The following EDEM3 variants were observed in gnomAD, a reference collection of about 807,000 sequenced individuals.
The protein encoded by EDEM3 is ER degradation enhancing alpha-mannosidase like protein 3, also known as ER degradation-enhancing alpha-mannosidase-like protein 3.
EDEM3 carries 60 observed loss-of-function variants against 110.2 expected under a neutral mutation model. The observed-to-expected ratio is 0.54, with a 90% CI of 0.44 to 0.67. EDEM3 has a LOEUF of 0.67. Among genes scored for constraint, EDEM3 ranks in the 30% least tolerant of loss-of-function variants. The probability of loss-of-function intolerance (pLI) is 0.00; values close to 1 mark genes in which losing one functional copy is unlikely to be tolerated. For synonymous variants in EDEM3, 352 were observed against 382.9 expected, an observed-to-expected ratio of 0.92 and a Z score of 0.94; for missense variants, 996 against 1,121.0, an observed-to-expected ratio of 0.89 and a Z score of 1.59.
chr1:184,754,455 C>A, intron 1 of EDEM3, 34 bp downstream of exon 1: 1 of 1,612,412 alleles, frequency 6.2e-7, no homozygotes, highest in East Asian at 2.2e-5. Flanking sequence ...TCAGCCTCAC[C>A]GAGAAACCCA....
rs754823935 is a variant in EDEM3, at chr1:184,702,866, G to A, written c.2334C>T (p.Ala778=). 5 of 1,612,320 alleles carry A rather than the reference G, an allele frequency of 3.1e-6. No individual in the cohort carries two copies. The highest frequency in any genetic ancestry group is 2.2e-5 in the East Asian group (1 of 44,718). ...FSKEGSIILD[A]IREYEEVEVL... Reference sequence around the variant, plus strand: ...CTTCTACCTCCTCATATTCCCGGATGGCATCCAGTATGATACTTCCTTCTT... The same window carrying A: ...CTTCTACCTCCTCATATTCCCGGATAGCATCCAGTATGATACTTCCTTCTT... Residue 778 remains alanine, a synonymous_variant, in exon 19 of 20, where the codon GCC becomes GCT. Transcript: ENST00000318130.
chr1:184,725,365 TGA>T (rs1306440677), intron 7 of EDEM3, among the ~76,000 whole-genome samples: 1 of 152,118 alleles, frequency 6.6e-6, no homozygotes, highest in African/African-American at 2.4e-5. Context: ...CATCAATATC[TGA>T]GAGTGTAGTT....
intron 5 of EDEM3, among the ~76,000 whole-genome samples, chr1:184,733,783 G>C (rs1005790889): frequency 1.3e-5 from 2 of 148,824 alleles, no homozygotes; most frequent in African/African-American, 5.0e-5. Flanking sequence ...AGCCAAGATC[G>C]CACCACTGCA....
intron 2 of EDEM3, among the ~76,000 whole-genome samples, chr1:184,738,976 TTAGA>T (rs1219962868): frequency 6.6e-6 from 1 of 151,494 alleles, no homozygotes; most frequent in Non-Finnish European, 1.5e-5. Flanking sequence ...TTTTTTATAT[TTAGA>T]TATTTACTCC....
chr1:184,749,659 T>G, intron 1 of EDEM3, 67 bp from the exon 2 acceptor site: 1 of 1,281,940 alleles, frequency 7.8e-7, no homozygotes, highest in Non-Finnish European at 1.1e-6. Flanking sequence ...TTTATTATCT[T>G]TCAAAAAGTT....
chr1:184,711,508 A>C (rs189781911), intron 15 of EDEM3, among the ~76,000 whole-genome samples: 116 of 152,318 alleles, frequency 7.6e-4, no homozygotes, highest in African/African-American at 2.7e-3. Flanking sequence ...AGATATATTG[A>C]AAGTTTCCAA....
intron 6 of EDEM3, among the ~76,000 whole-genome samples, chr1:184,727,848 A>G (rs780945492): frequency 4.6e-5 from 7 of 152,210 alleles, no homozygotes; most frequent in Non-Finnish European, 8.8e-5. Context: ...ACCACAAACA[A>G]GAATGAAAAG....
At chr1:184,712,859 C>T (rs936215457) in intron 13 of EDEM3, among the ~76,000 whole-genome samples, 1 of 152,042 alleles carries the variant, frequency 6.6e-6, no homozygotes, top group Non-Finnish European at 1.5e-5. Context: ...TTTCTATAGG[C>T]CTTTCAATGA....
At chr1:184,716,745 C>A in intron 13 of EDEM3, 143 bp downstream of exon 13, 1 of 1,196,416 alleles carries the variant, frequency 8.4e-7, no homozygotes, top group Non-Finnish European at 1.1e-6. Context: ...GTGTATTCAA[C>A]AGAGTTTAAA....
chr1:184,702,865 T>A lies in EDEM3; in HGVS notation c.2335A>T (p.Ile779Phe). The stretch of plus-strand genomic sequence containing the variant: ...ACTTCTACCTCCTCATATTCCCGGA[T>A]GGCATCCAGTATGATACTTCCTTCT... ...SKEGSIILDAIREYEEVEVLL... is the reference protein window; with the variant it reads ...SKEGSIILDAFREYEEVEVLL... The change falls in exon 19 of 20, where the codon ATC becomes TTC. Residue 779 changes from isoleucine (I) to phenylalanine (F), a missense_variant. Ile to Phe is a conservative substitution (Grantham distance 21, BLOSUM62 0). Transcript: ENST00000318130. 1 of 1,612,744 alleles carries A rather than the reference T, an allele frequency of 6.2e-7. No homozygotes were observed. Among genetic ancestry groups the A allele is most frequent in the Non-Finnish European group, 8.5e-7 (1 of 1,179,444 alleles).
Position 184,708,194 on chromosome 1 carries a change from C to T in EDEM3, c.1996G>A (p.Gly666Arg), listed in dbSNP as rs1650036786. 1 of 1,613,518 alleles carries T rather than the reference C, an allele frequency of 6.2e-7. No individual in the cohort carries two copies. ...AGATCCAGCCCAAACTGAGCTGGTC[C>T]AGCAGTCAATACTACCCTGCCAAAA... ...PFFGRVVLTA[G>R]PAQFGLDLSK... Residue 666 changes from glycine to arginine, a missense_variant, in exon 17 of 20, where the codon GGA (glycine) becomes AGA (arginine). Around this residue, in one of 5 missense-constraint regions of EDEM3, gnomAD observed 345 missense variants for 402.0 expected, o/e 0.86. Transcript: ENST00000318130.
chr1:184,700,073 G>C (rs1469006140), intron 19 of EDEM3, among the ~76,000 whole-genome samples: 1 of 151,956 alleles, frequency 6.6e-6, no homozygotes, highest in Non-Finnish European at 1.5e-5. Context: ...ACTGTGGATA[G>C]CTTAACTTTC....
intron 7 of EDEM3, among the ~76,000 whole-genome samples, chr1:184,724,057 A>G (rs1008263267): frequency 5.9e-5 from 9 of 152,052 alleles, no homozygotes; most frequent in Non-Finnish European, 1.0e-4. Flanking sequence ...CAGTGTAGTT[A>G]GGAAAGACTC....
In EDEM3 at chr1:184,706,684, C is replaced by T. The variant is rs749617259; in HGVS notation, c.2162G>A (p.Arg721His). 6 of 1,613,310 alleles carry T rather than the reference C, an allele frequency of 3.7e-6. No homozygotes were observed. The highest frequency in any genetic ancestry group is 1.7e-4 in the Middle Eastern group (1 of 6,054). Residue 721 changes from arginine (R) to histidine (H), a missense_variant, in exon 18 of 20, where the codon CGC (arginine) becomes CAC (histidine). Coordinates refer to ENST00000318130, the MANE Select transcript of EDEM3 (RefSeq NM_025191.4). ...AATGGCTCCAGCATTCTGGATGTTGCGTGCCTTTTCTGCAAACATGCACTG... is the reference window on the plus strand; with the variant it reads ...AATGGCTCCAGCATTCTGGATGTTGTGTGCCTTTTCTGCAAACATGCACTG... ...RGQCMFAEKA[R>H]NIQNAGAIGG...
Position 184,694,175 on chromosome 1 carries a change from T to C in EDEM3, c.2687A>G (p.Asp896Gly). 1 of 1,613,506 alleles carries C rather than the reference T, an allele frequency of 6.2e-7. No homozygotes were observed. The highest frequency in any genetic ancestry group is 8.5e-7 in the Non-Finnish European group (1 of 1,179,650). The part of the protein sequence containing the change: ...QLQEQSETEE[D>G]SNPNVSWGKK... Reference sequence around the variant, plus strand: ...ACCCCAGCTAACATTAGGATTGGAATCTTCCTCAGTTTCTGATTGTTCTTG... The same window carrying C: ...ACCCCAGCTAACATTAGGATTGGAACCTTCCTCAGTTTCTGATTGTTCTTG... The change falls in exon 20 of 20, where the codon GAT becomes GGT. Residue 896 changes from aspartate to glycine, a missense_variant. Physicochemically the swap from Asp to Gly is moderately conservative, Grantham distance 94. This residue lies in a region of EDEM3 where 345 missense variants were observed against 402.0 expected (regional missense o/e 0.86). Coordinates refer to ENST00000318130, the MANE Select transcript of EDEM3 (RefSeq NM_025191.4).
chr1:184,747,107 G>C (rs1380172992), intron 2 of EDEM3, among the ~76,000 whole-genome samples: 2 of 150,688 alleles, frequency 1.3e-5, no homozygotes, highest in South Asian at 4.2e-4. Flanking sequence ...TTATGTACCA[G>C]GCACAAGACA....
intron 2 of EDEM3, among the ~76,000 whole-genome samples, chr1:184,742,153 G>A (rs935816455): frequency 2.0e-5 from 3 of 152,008 alleles, no homozygotes; most frequent in South Asian, 2.1e-4. Flanking sequence ...GGAAAGGGAA[G>A]GAAAAAATAC....
chr1:184,694,186 TTC>T lies in EDEM3; in HGVS notation c.2674_2675del (p.Glu892AsnfsTer2). ...DLDNQLQEQS[E>X]TEEDSNPNVS... Reference sequence around the variant, plus strand: ...CATTAGGATTGGAATCTTCCTCAGTTTCTGATTGTTCTTGAAGCTGGTTATCT... The same window carrying T: ...CATTAGGATTGGAATCTTCCTCAGTTTGATTGTTCTTGAAGCTGGTTATCT... On this transcript the variant is annotated frameshift_variant, in exon 20 of 20. Transcript: ENST00000318130. LOFTEE classifies it high-confidence loss of function. 6.2e-7 allele frequency: 1 copy of T among 1,613,450 alleles called. No individual in the cohort carries two copies. The highest frequency in any genetic ancestry group is 8.5e-7 in the Non-Finnish European group (1 of 1,179,638).
At chr1:184,752,297 T>C (rs1171832875) in intron 1 of EDEM3, among the ~76,000 whole-genome samples, 1 of 152,178 alleles carries the variant, frequency 6.6e-6, no homozygotes, top group East Asian at 1.9e-4. Flanking sequence ...TTATCAACTA[T>C]TTGGTTTGTT....
Sources: gnomAD v4.1 joint callset for allele counts (sites outside exome capture counted in the v4.1 genomes callset) on GRCh38, gnomAD v4.1.1 for gene constraint, gnomAD v4.1.1 regional missense constraint, MANE v1.5 for transcripts, NCBI Gene and HGNC (gene_info 2026-07-23, HGNC 2026-07-21) for gene names.